NFASC: variants seen among roughly 807,000 people sequenced by gnomAD.
NFASC encodes the protein neurofascin homolog.
In NFASC, 43 loss-of-function variants were observed where a neutral mutation model predicts 147.5. The ratio of observed to expected loss-of-function variants is 0.29; its 90% CI spans 0.23 to 0.38. The LOEUF is 0.38. Among genes scored for constraint, NFASC ranks in the 10% least tolerant of loss-of-function variants. NFASC has a pLI of 1.00. For missense variants in NFASC, 1,320 were observed against 1,689.0 expected (o/e 0.78, Z 3.83); for synonymous variants, 622 against 665.5 (o/e 0.93, Z 1.01).
At chr1:204,913,314 G>T (rs1362509811) in intron 1 of NFASC, among the ~76,000 whole-genome samples, 1 of 151,958 alleles carries the variant, frequency 6.6e-6, no homozygotes, top group Non-Finnish European at 1.5e-5. Context: ...AATATCATTT[G>T]ATTTTCTTTA....
At chr1:205,009,407 G>T in intron 27 of NFASC, 150 bp from the exon 28 acceptor site, 2 of 835,930 alleles carry the variant, frequency 2.4e-6, no homozygotes, top group Non-Finnish European at 4.2e-6. Flanking sequence ...CCTTTAGCAG[G>T]GTAGTTTGGG....
chr1:204,967,569 C>A (rs1437816652), intron 8 of NFASC, among the ~76,000 whole-genome samples: 1 of 152,068 alleles, frequency 6.6e-6, no homozygotes, highest in East Asian at 1.9e-4. Context: ...TTCTCCCACC[C>A]CCTCCCCGAG....
chr1:204,974,572 C>T, intron 13 of NFASC, 85 bp from the exon 14 acceptor site: 2 of 1,461,614 alleles, frequency 1.4e-6, no homozygotes, highest in Admixed American at 1.7e-5. Flanking sequence ...CCACAGCCCC[C>T]ATGGTCTCTC....
At chr1:204,928,343 C>T (rs1471311194) in intron 2 of NFASC, among the ~76,000 whole-genome samples, 2 of 152,166 alleles carry the variant, frequency 1.3e-5, no homozygotes, top group African/African-American at 4.8e-5. Flanking sequence ...CCCCAAAGAC[C>T]CGTAGAAAGC....
At chr1:204,848,567 T>A (rs1170276047) in intron 1 of NFASC, among the ~76,000 whole-genome samples, 1 of 152,206 alleles carries the variant, frequency 6.6e-6, no homozygotes, top group Non-Finnish European at 1.5e-5. Context: ...GTACACAGAT[T>A]TATACTTTCT....
intron 17 of NFASC, among the ~76,000 whole-genome samples, chr1:204,978,270 C>T (rs763496448): frequency 6.6e-6 from 1 of 152,174 alleles, no homozygotes; most frequent in Non-Finnish European, 1.5e-5. Context: ...CACTCAGTAG[C>T]CGATGTCTTT....
intron 1 of NFASC, among the ~76,000 whole-genome samples, chr1:204,841,970 T>A (rs974922582): frequency 1.3e-5 from 2 of 152,160 alleles, no homozygotes. Context: ...ACAGGAAGGG[T>A]TGATTTGCAT....
At chr1:204,927,748 C>T (rs1297646688) in intron 2 of NFASC, among the ~76,000 whole-genome samples, 1 of 152,172 alleles carries the variant, frequency 6.6e-6, no homozygotes, top group Non-Finnish European at 1.5e-5. Context: ...ATGACAGAGC[C>T]CCTGGAGACA....
In NFASC at chr1:204,990,590, G is replaced by GA. The variant is rs1158353046; in HGVS notation, c.2768-696dup. 2.1e-5 allele frequency: 3 copies of GA among 144,716 alleles called. No homozygotes were observed. In the East Asian group the frequency reaches 6.1e-4, roughly 30 times the overall value. 9.0% of individuals were successfully genotyped at this position (144,716 alleles called of 1,614,324 possible). On this transcript the variant is annotated intron_variant, in intron 23 of 29. Coordinates refer to ENST00000339876, the MANE Select transcript of NFASC (RefSeq NM_001005388.3). ...AAAAAAAAAAAAAAAGAAAAAGAAAGAAAAAAGAAAGGGCTCTCAGTCCAA... is the reference window on the plus strand; with the variant it reads ...AAAAAAAAAAAAAAAGAAAAAGAAAGAAAAAAAGAAAGGGCTCTCAGTCCAA...
chr1:204,834,530 C>T (rs1177158171), intron 1 of NFASC, among the ~76,000 whole-genome samples: 1 of 152,178 alleles, frequency 6.6e-6, no homozygotes, highest in East Asian at 1.9e-4. Context: ...TTCACCTGCT[C>T]CTCCTCACTC....
Position 204,952,012 on chromosome 1 carries a change from G to A in NFASC, c.111G>A (p.Leu37=). Residue 37 remains leucine, a splice_region_variant and synonymous_variant, in exon 5 of 30, where the codon CTG becomes CTA. Coordinates refer to ENST00000339876, the MANE Select transcript of NFASC (RefSeq NM_001005388.3). The part of the protein sequence containing the change: ...IPMDPSIQNE[L]TQPPTITKQS... ...CATGCTCCCTGTGCACTGTTGCAGT[G>A]ACGCAGCCGCCAACCATCACCAAGC... 6.2e-7 allele frequency: 1 copy of A among 1,613,978 alleles called. No homozygotes were observed. Among genetic ancestry groups the A allele is most frequent in the Middle Eastern group, 1.6e-4 (1 of 6,062 alleles).
chr1:204,837,743 C>T (rs945758894), intron 1 of NFASC, among the ~76,000 whole-genome samples: 2 of 152,112 alleles, frequency 1.3e-5, no homozygotes, highest in African/African-American at 4.8e-5. Context: ...CCGGGGAATG[C>T]TTACAACCAG....
At chr1:204,949,137 C>G (rs1288751007) in intron 3 of NFASC, among the ~76,000 whole-genome samples, 1 of 152,224 alleles carries the variant, frequency 6.6e-6, no homozygotes. Context: ...CTAGGGGCCA[C>G]ACGAAATAAT....
intron 8 of NFASC, among the ~76,000 whole-genome samples, chr1:204,961,796 G>T (rs2094685787): frequency 6.6e-6 from 1 of 152,206 alleles, no homozygotes. Context: ...TCTCTCATTT[G>T]TTTGAAAATA....
At position 204,884,384 on chromosome 1, in the gene NFASC, G is replaced by A. The variant is rs547760115; in HGVS notation, c.-199-36248G>A. Among the ~76,000 whole-genome samples, 9 of 152,232 alleles carry A rather than the reference G, an allele frequency of 5.9e-5. No homozygotes were observed. In the South Asian group the frequency reaches 1.7e-3, roughly 28 times the overall value. On this transcript the variant is annotated intron_variant, in intron 1 of 29. Coordinates refer to ENST00000339876, the MANE Select transcript of NFASC (RefSeq NM_001005388.3). ...AGCAATCTCATTGGTGGTCCCTGAA[G>A]TCAATACCCCTTGGGTATTGAGAGC...
chr1:204,948,414 G>C (rs2093917848), intron 3 of NFASC, among the ~76,000 whole-genome samples: 1 of 152,184 alleles, frequency 6.6e-6, no homozygotes, highest in African/African-American at 2.4e-5. Flanking sequence ...TCCTTGGCCT[G>C]ATAGTATGGG....
intron 8 of NFASC, among the ~76,000 whole-genome samples, chr1:204,959,425 C>T (rs2094564518): frequency 6.6e-6 from 1 of 152,224 alleles, no homozygotes; most frequent in Non-Finnish European, 1.5e-5. Flanking sequence ...TGCAGTGTCT[C>T]CTCAGTCCAC....
intron 1 of NFASC, among the ~76,000 whole-genome samples, chr1:204,862,962 G>A (rs2076793440): frequency 1.3e-5 from 2 of 152,256 alleles, no homozygotes; most frequent in Non-Finnish European, 1.5e-5. Flanking sequence ...TTAGGCCAAT[G>A]TGCTGGGTGT....
intron 3 of NFASC, 30 bp from the exon 4 acceptor site, chr1:204,950,527 T>C: frequency 1.2e-6 from 2 of 1,607,862 alleles, no homozygotes; most frequent in Non-Finnish European, 1.7e-6. Context: ...CTTTTCTCCC[T>C]CTCCAATGCT....
Sources: gnomAD v4.1 joint callset for allele counts (sites outside exome capture counted in the v4.1 genomes callset) on GRCh38, gnomAD v4.1.1 for gene constraint, MANE v1.5 for transcripts, NCBI Gene and HGNC (gene_info 2026-07-23, HGNC 2026-07-21) for gene names.